The following EGFL6 variants were observed in gnomAD, a reference collection of about 807,000 sequenced individuals.
The protein encoded by EGFL6 is EGF like domain multiple 6.
A neutral mutation model predicts 43.1 loss-of-function variants in EGFL6; 42 were observed. The ratio of observed to expected loss-of-function variants is 0.98; its 90% CI spans 0.76 to 1.26. The LOEUF (loss-of-function observed/expected upper bound fraction) is 1.26, where lower values mean the gene tolerates loss of function less well. Among genes scored for constraint, EGFL6 ranks in the 50% most tolerant of loss-of-function variants. The pLI is 0.00. For missense variants in EGFL6, 429 were observed against 427.8 expected (o/e 1.00, Z -0.02); for synonymous variants, 164 against 163.2 (o/e 1.01, Z -0.04).
chrX:13,606,473 T>C lies in EGFL6; in HGVS notation c.615T>C (p.Gly205=), dbSNP rs1421983181. ...GCTACTACTGCAAATGTCACATTGGTTTCGAACTGCAATATATCAGTGGAC... is the reference window on the plus strand; with the variant it reads ...GCTACTACTGCAAATGTCACATTGGCTTCGAACTGCAATATATCAGTGGAC... ...FGSYYCKCHI[G]FELQYISGRY... The change falls in exon 6 of 12, where the codon GGT becomes GGC. Residue 205 remains glycine (G), a synonymous_variant. Transcript: ENST00000361306. 1 of 1,211,430 alleles carries C rather than the reference T, an allele frequency of 8.3e-7. No individual in the cohort carries two copies. Among genetic ancestry groups the C allele is most frequent in the Non-Finnish European group, 1.1e-6 (1 of 895,155 alleles).
chrX:13,612,462 G>T (rs2045695018), intron 7 of EGFL6, among the ~76,000 whole-genome samples: 1 of 109,943 alleles, frequency 9.1e-6, no homozygotes, highest in African/African-American at 3.3e-5. Context: ...CACAGACACA[G>T]TAACAATCTG....
chrX:13,614,749 A>AT (rs144356394), intron 7 of EGFL6, among the ~76,000 whole-genome samples: 9,948 of 94,332 alleles, frequency 0.11, 441 homozygotes, highest in East Asian at 0.17. Context: ...CTCCCTCCAT[A>AT]TTTTTTTTTT....
chrX:13,596,484 G>A (rs907515662), intron 3 of EGFL6: 4 of 112,464 alleles, frequency 3.6e-5, no homozygotes, highest in Non-Finnish European at 7.5e-5. Context: ...TAGTATATGA[G>A]AAGTGTGTAT....
chrX:13,582,181 G>C (rs1430927886), intron 1 of EGFL6, among the ~76,000 whole-genome samples: 1 of 109,172 alleles, frequency 9.2e-6, no homozygotes, highest in Non-Finnish European at 1.9e-5. Context: ...TCCTGCCTCA[G>C]CCTCCTGAGT....
intron 7 of EGFL6, among the ~76,000 whole-genome samples, chrX:13,612,689 C>T (rs375937230): frequency 7.2e-5 from 8 of 110,642 alleles, no homozygotes; most frequent in African/African-American, 2.3e-4. Flanking sequence ...CCCCACCTCC[C>T]GGACGGGGTG....
At chrX:13,588,764 A>T (rs1485258977) in intron 1 of EGFL6, among the ~76,000 whole-genome samples, 3 of 111,733 alleles carry the variant, frequency 2.7e-5, no homozygotes, top group Non-Finnish European at 5.6e-5. Context: ...CAGGAAAATT[A>T]TATGCTATTC....
At chrX:13,571,171 G>A (rs1383332566) in intron 1 of EGFL6, among the ~76,000 whole-genome samples, 2 of 93,927 alleles carry the variant, frequency 2.1e-5, no homozygotes, top group African/African-American at 8.3e-5. Flanking sequence ...TATTGCCCAA[G>A]GTCCCTGGAG....
At chrX:13,593,393 G>C (rs1378035284) in intron 2 of EGFL6, among the ~76,000 whole-genome samples, 1 of 111,984 alleles carries the variant, frequency 8.9e-6, no homozygotes, top group Non-Finnish European at 1.9e-5. Context: ...GGGGATTCTT[G>C]TACAAATATT....
chrX:13,596,433 G>A lies in EGFL6; in HGVS notation c.280+1505G>A, dbSNP rs1284190873. On this transcript the variant is annotated intron_variant, in intron 3 of 11. Transcript: ENST00000361306. ...CTTACCTTCAGTCAAGGGTATATTA[G>A]CTGTGCTCCCCTGCTAGCACCTCCA... 3 of 112,113 alleles carry A rather than the reference G, an allele frequency of 2.7e-5. No homozygotes were observed. The Admixed American group carries it at 2.8e-4, about 11-fold the overall frequency. The allele number at this position is 112,113 out of a possible 1,213,427, so 9.2% of individuals were successfully genotyped here.
chrX:13,600,735 TAA>T (rs61660775), intron 4 of EGFL6, among the ~76,000 whole-genome samples: 4 of 50,412 alleles, frequency 7.9e-5, no homozygotes, highest in African/African-American at 7.1e-5. Flanking sequence ...CTGTCTCTAC[TAA>T]AAAAAAAAAA....
At chrX:13,619,948 G>GAGC (rs1269456303) in intron 9 of EGFL6, among the ~76,000 whole-genome samples, 1 of 111,808 alleles carries the variant, frequency 8.9e-6, no homozygotes, top group Admixed American at 9.5e-5. Context: ...TCAGGAAAGA[G>GAGC]AGCAGCAGCA....
intron 1 of EGFL6, among the ~76,000 whole-genome samples, chrX:13,573,688 G>A (rs151197959): frequency 0.018 from 2,032 of 111,832 alleles, 37 homozygotes; most frequent in East Asian, 0.063. Flanking sequence ...AATGGGTATT[G>A]TGTTCATTTG....
intron 3 of EGFL6, among the ~76,000 whole-genome samples, chrX:13,598,932 TATATATAATTC>T (rs1414812755): frequency 2.2e-4 from 23 of 104,765 alleles, no homozygotes; most frequent in African/African-American, 7.2e-4. Flanking sequence ...ATAATTCACA[TATATATAATTC>T]ATATATATAT....
At chrX:13,611,937 C>A (rs2045690544) in intron 7 of EGFL6, among the ~76,000 whole-genome samples, 1 of 111,902 alleles carries the variant, frequency 8.9e-6, no homozygotes, top group Admixed American at 9.5e-5. Flanking sequence ...TGCTTTAATT[C>A]TCTAATTCTC....
At chrX:13,624,472 G>A (rs903262939) in intron 10 of EGFL6, among the ~76,000 whole-genome samples, 6 of 110,796 alleles carry the variant, frequency 5.4e-5, no homozygotes, top group African/African-American at 1.6e-4. Context: ...GATTTCTTTC[G>A]AGCCACCTGT....
rs778652327 is a variant in EGFL6, at chrX:13,607,375, C to A, written c.655+862C>A. Among the ~76,000 whole-genome samples, 16 of 111,899 alleles carry A rather than the reference C, an allele frequency of 1.4e-4. No homozygotes were observed. The South Asian group carries it at 6.1e-3, about 43-fold the overall frequency. On this transcript the variant is annotated intron_variant, in intron 6 of 11. Coordinates refer to ENST00000361306, the MANE Select transcript of EGFL6 (RefSeq NM_015507.4). ...TTTCAACCCTATACTCAGGGCTTCC[C>A]AGGACACGTCTTGTGTAATCATGTT...
rs761866445 is a variant in EGFL6 at position 13,608,326 on chromosome X, A to G, written c.658A>G (p.Ile220Val). The G allele has an allele frequency of 3.3e-6, 4 of 1,210,948 alleles. No homozygotes were observed. The Admixed American group carries it at 6.5e-5, about 20-fold the overall frequency. ...TTCACTGGAATGTTCTTTTTTAGAT[A>G]TAAATGAATGTACTATGGATAGCCA... ...YISGRYDCIDINECTMDSHTC... is the reference protein window; with the variant it reads ...YISGRYDCIDVNECTMDSHTC... Residue 220 changes from isoleucine (I) to valine (V), a missense_variant and splice_region_variant, in exon 7 of 12, where the codon ATA (isoleucine) becomes GTA (valine). Physicochemically the swap from Ile to Val is conservative, Grantham distance 29. Transcript: ENST00000361306.
At chrX:13,601,081 A>G (rs149798998) in intron 4 of EGFL6, among the ~76,000 whole-genome samples, 1,639 of 111,211 alleles carry the variant, frequency 0.015, 33 homozygotes, top group African/African-American at 0.051. Flanking sequence ...TTAATTATAT[A>G]TCTATATCTG....
At chrX:13,595,062 T>G in intron 3 of EGFL6, 134 bp downstream of exon 3, 1 of 380,250 alleles carries the variant, frequency 2.6e-6, no homozygotes, top group Non-Finnish European at 4.4e-6. Flanking sequence ...CAGGACAAGT[T>G]TTTCAATCTC....
Sources: gnomAD v4.1 joint callset for allele counts (sites outside exome capture counted in the v4.1 genomes callset) on GRCh38, gnomAD v4.1.1 for gene constraint, MANE v1.5 for transcripts, NCBI Gene and HGNC (gene_info 2026-07-23, HGNC 2026-07-21) for gene names.